The following ETFA variants were observed in gnomAD, a reference collection of about 807,000 sequenced individuals.
The protein encoded by ETFA is electron transfer flavoprotein subunit alpha.
In ETFA, 22 loss-of-function variants were observed where a neutral mutation model predicts 46.2. The ratio of observed to expected loss-of-function variants is 0.48; its 90% CI spans 0.34 to 0.68. The LOEUF is 0.68. Among genes scored for constraint, ETFA ranks in the 30% least tolerant of loss-of-function variants. The probability of loss-of-function intolerance (pLI) is 0.01; values close to 1 mark genes in which losing one functional copy is unlikely to be tolerated. For missense variants in ETFA, 345 were observed against 401.1 expected, an observed-to-expected ratio of 0.86 and a Z score of 1.19; for synonymous variants, 131 against 139.9, an observed-to-expected ratio of 0.94 and a Z score of 0.45.
At chr15:76,290,326 C>T (rs1378225693) in intron 4 of ETFA, among the ~76,000 whole-genome samples, 1 of 123,594 alleles carries the variant, frequency 8.1e-6, no homozygotes, top group Non-Finnish European at 1.7e-5. Flanking sequence ...GAGCCAAAGT[C>T]GCTACTCTTT....
intron 9 of ETFA, among the ~76,000 whole-genome samples, chr15:76,233,033 G>C (rs192276047): frequency 1.3e-5 from 2 of 152,252 alleles, no homozygotes; most frequent in East Asian, 3.9e-4. Flanking sequence ...CTTGTTTTTT[G>C]AATCAACTTG....
At chr15:76,303,099 G>A (rs917963594) in intron 1 of ETFA, among the ~76,000 whole-genome samples, 3 of 152,158 alleles carry the variant, frequency 2.0e-5, no homozygotes, top group Non-Finnish European at 4.4e-5. Context: ...AAGGTCAGGA[G>A]TTCGAGACCA....
chr15:76,301,286 T>C (rs79615818), intron 1 of ETFA, among the ~76,000 whole-genome samples: 3,655 of 152,312 alleles, frequency 0.024, 144 homozygotes, highest in African/African-American at 0.084. Context: ...CATATTCACC[T>C]GATTGTCTTC....
intron 2 of ETFA, 39 bp downstream of exon 2, chr15:76,295,552 A>C: frequency 6.4e-7 from 1 of 1,561,190 alleles, no homozygotes; most frequent in East Asian, 2.2e-5. Context: ...CTCTTGATGG[A>C]GATAATATTT....
intron 11 of ETFA, among the ~76,000 whole-genome samples, 178 bp from the exon 12 acceptor site, chr15:76,216,775 G>A (rs943256103): frequency 6.6e-6 from 1 of 151,442 alleles, no homozygotes; most frequent in African/African-American, 2.4e-5. Context: ...TCCCACCCAG[G>A]GCGACTACCC....
chr15:76,306,253 G>C (rs2039938782), intron 1 of ETFA, among the ~76,000 whole-genome samples: 2 of 129,036 alleles, frequency 1.5e-5, no homozygotes, highest in African/African-American at 5.7e-5. Flanking sequence ...GGGCAGGGGA[G>C]GGTTTTTTTG....
chr15:76,272,813 C>CATATATATATATATATATATATATATAT lies in ETFA; in HGVS notation c.816+1598_816+1599insATATATATATATATATATATATATATAT, dbSNP rs71143306. ...AAGACCCTGTCTCTTAAAATATATA[C>CATATATATATATATATATATATATATAT]ATATATATATATATATATGCGCATG... On this transcript the variant is annotated intron_variant, in intron 9 of 11. Transcript: ENST00000557943. Among the ~76,000 whole-genome samples the CATATATATATATATATATATATATATAT allele has an allele frequency of 2.2e-3, 308 of 137,454 alleles. 10 individuals carry two copies. Among genetic ancestry groups the CATATATATATATATATATATATATATAT allele is most frequent in the African/African-American group, 6.5e-3 (225 of 34,796 alleles). The allele number at this position is 137,454 out of a possible 152,430, so 90.2% of individuals were successfully genotyped here.
chr15:76,219,418 T>C (rs982890065), intron 11 of ETFA, among the ~76,000 whole-genome samples: 1 of 152,136 alleles, frequency 6.6e-6, no homozygotes, highest in African/African-American at 2.4e-5. Context: ...TATTTGGCAA[T>C]GGATTCTTAG....
chr15:76,218,577 C>A (rs1156766853), intron 11 of ETFA, among the ~76,000 whole-genome samples: 2 of 152,134 alleles, frequency 1.3e-5, no homozygotes, highest in African/African-American at 4.8e-5. Context: ...AGCCCAACTG[C>A]ACACCTTTAA....
intron 8 of ETFA, among the ~76,000 whole-genome samples, chr15:76,278,096 C>T (rs1481185186): frequency 6.6e-6 from 1 of 151,064 alleles, no homozygotes; most frequent in Non-Finnish European, 1.5e-5. Flanking sequence ...GATTGGAAAC[C>T]AAAAGACCTA....
At chr15:76,270,200 G>T (rs755788123) in intron 9 of ETFA, among the ~76,000 whole-genome samples, 1 of 152,118 alleles carries the variant, frequency 6.6e-6, no homozygotes, top group African/African-American at 2.4e-5. Context: ...GGGTGGGGAG[G>T]GTATCTATAC....
In ETFA at chr15:76,279,734, AT is replaced by A. The variant is rs531702232; in HGVS notation, c.733+4022del. Among the ~76,000 whole-genome samples the A allele has an allele frequency of 7.2e-4, 110 of 151,976 alleles. No individual in the cohort carries two copies. In the East Asian group the frequency reaches 9.3e-3, roughly 13 times the overall value. On this transcript the variant is annotated intron_variant, in intron 8 of 11. Transcript: ENST00000557943. ...TAGCAGTGTGTGTCATAGTTGATCAATTTTTTCCCCCCTCAATGAAACACTC... is the reference window on the plus strand; with the variant it reads ...TAGCAGTGTGTGTCATAGTTGATCAATTTTTCCCCCCTCAATGAAACACTC...
rs771704448 is a variant in ETFA at position 76,274,505 on chromosome 15, A to G, written c.734-11T>C. 24 of 1,606,130 alleles carry G rather than the reference A, an allele frequency of 1.5e-5. No individual in the cohort carries two copies. The South Asian group carries it at 2.6e-4, about 17-fold the overall frequency. ...CACGGGAAGCACCAACTAAGGGGAA[A>G]AAATATTTGTCATTTTTTTCAAGCT... On this transcript the variant is annotated splice_polypyrimidine_tract_variant and intron_variant, in intron 8 of 11. Coordinates refer to ENST00000557943, the MANE Select transcript of ETFA (RefSeq NM_000126.4).
intron 11 of ETFA, 145 bp downstream of exon 11, chr15:76,225,704 T>C (rs2038997335): frequency 7.1e-6 from 5 of 708,218 alleles, no homozygotes; most frequent in East Asian, 5.0e-5. Context: ...TAGGTCAAAA[T>C]TGTGTACATA....
Position 76,232,299 on chromosome 15 carries a change from G to A in ETFA, c.817-901C>T, listed in dbSNP as rs576775327. ...CACTTTAATAAGTGCTTAATTAGAA[G>A]AGCTTACCTGCTTCATTCTGTTTAC... On this transcript the variant is annotated intron_variant, in intron 9 of 11. Transcript: ENST00000557943. 3.9e-5 allele frequency among the ~76,000 whole-genome samples: 6 copies of A among 152,278 alleles called. No homozygotes were observed. In the East Asian group the frequency reaches 1.2e-3, roughly 29 times the overall value.
At chr15:76,307,488 C>CT (rs1567223130) in intron 1 of ETFA, among the ~76,000 whole-genome samples, 2 of 124,396 alleles carry the variant, frequency 1.6e-5, no homozygotes, top group African/African-American at 3.3e-5. Flanking sequence ...ACCATCTTAA[C>CT]CTTTTTTTTT....
chr15:76,301,643 G>A (rs563812818), intron 1 of ETFA, among the ~76,000 whole-genome samples: 4 of 152,078 alleles, frequency 2.6e-5, no homozygotes, highest in Admixed American at 2.0e-4. Context: ...CCTGGAGGTG[G>A]ATGTTTCAGT....
At chr15:76,228,450 C>T (rs1048030333) in intron 10 of ETFA, among the ~76,000 whole-genome samples, 5 of 151,842 alleles carry the variant, frequency 3.3e-5, no homozygotes, top group African/African-American at 9.7e-5. Flanking sequence ...CCTCCCAAAG[C>T]GCTGGGATTA....
chr15:76,249,514 T>TCA (rs1261228463), intron 9 of ETFA, among the ~76,000 whole-genome samples: 2 of 142,986 alleles, frequency 1.4e-5, no homozygotes, highest in Non-Finnish European at 3.0e-5. Context: ...CGATCTCGGC[T>TCA]CACTGCAAGC....
Sources: gnomAD v4.1 joint callset for allele counts (sites outside exome capture counted in the v4.1 genomes callset) on GRCh38, gnomAD v4.1.1 for gene constraint, MANE v1.5 for transcripts, NCBI Gene and HGNC (gene_info 2026-07-23, HGNC 2026-07-21) for gene names.